Variants in IQCH observed in about 807,000 individuals in gnomAD.
IQCH encodes IQ domain-containing protein H.
IQCH carries 98 observed loss-of-function variants against 117.0 expected under a neutral mutation model. That is an observed-to-expected ratio of 0.84 (90% CI 0.71 to 0.99). The LOEUF (loss-of-function observed/expected upper bound fraction) is 0.99, where lower values mean the gene tolerates loss of function less well. Ranked by LOEUF, IQCH falls within the 50% of genes least tolerant of loss-of-function variation. IQCH has a pLI of 0.00. For missense variants in IQCH, 1,102 were observed against 1,243.8 expected (o/e 0.89, Z 1.72); for synonymous variants, 412 against 448.2 (o/e 0.92, Z 1.02).
chr15:67,354,023 C>G (rs554872530), intron 6 of IQCH, among the ~76,000 whole-genome samples: 1 of 152,024 alleles, frequency 6.6e-6, no homozygotes, highest in Non-Finnish European at 1.5e-5. Context: ...AGGCCTCAGG[C>G]CTTTTATAGG....
intron 1 of IQCH, among the ~76,000 whole-genome samples, chr15:67,260,292 C>G (rs1181059199): frequency 6.6e-6 from 1 of 152,110 alleles, no homozygotes; most frequent in Non-Finnish European, 1.5e-5. Flanking sequence ...TTTCATAGGG[C>G]CCATTTTATT....
chr15:67,293,906 G>A (rs1966836802), intron 4 of IQCH, among the ~76,000 whole-genome samples: 1 of 152,166 alleles, frequency 6.6e-6, no homozygotes, highest in South Asian at 2.1e-4. Context: ...GCCAGATCTT[G>A]TAGACCATTG....
chr15:67,465,329 G>T lies in IQCH; in HGVS notation c.2676+32G>T. Reference sequence around the variant, plus strand: ...AAGAGGTGCTTCCTGAAGGTTCTCGGTGTTCAGCAACACCCACTGCCACTG... The same window carrying T: ...AAGAGGTGCTTCCTGAAGGTTCTCGTTGTTCAGCAACACCCACTGCCACTG... On this transcript the variant is annotated intron_variant, in intron 17 of 20. Coordinates refer to ENST00000335894, the MANE Select transcript of IQCH (RefSeq NM_001031715.3). This position sits in a 1 kb window ranked among gnomAD's most constrained non-coding sequence, Gnocchi z 5.9. The T allele has an allele frequency of 6.2e-7, 1 of 1,602,962 alleles. No homozygotes were observed. The highest frequency in any genetic ancestry group is 1.1e-5 in the South Asian group (1 of 90,652).
intron 18 of IQCH, among the ~76,000 whole-genome samples, chr15:67,489,359 CTT>C (rs889669339): frequency 5.7e-5 from 8 of 140,464 alleles, no homozygotes; most frequent in African/African-American, 2.1e-4. Context: ...GAATTTTGCT[CTT>C]GTTGCCCAGG....
intron 3 of IQCH, 60 bp downstream of exon 3, chr15:67,263,276 C>A (rs576341712): frequency 1.2e-6 from 1 of 854,148 alleles, no homozygotes; most frequent in South Asian, 1.4e-5. Flanking sequence ...ACTTTTCTCA[C>A]TCAAGTGAGA....
Position 67,416,653 on chromosome 15 carries a change from G to A in IQCH, c.2098-278G>A, listed in dbSNP as rs1226228700. ...TCTGCTGGTCAGGCTGCCAGCTGCA[G>A]TGGGTCTGAAACCTCGTTTCCTGAT... On this transcript the variant is annotated intron_variant, in intron 14 of 20. Transcript: ENST00000335894. This position sits in a 1 kb window ranked among gnomAD's most constrained non-coding sequence, Gnocchi z 5.1. Among the ~76,000 whole-genome samples, 1 of 152,196 alleles carries A rather than the reference G, an allele frequency of 6.6e-6. No homozygotes were observed. The highest frequency in any genetic ancestry group is 2.4e-5 in the African/African-American group (1 of 41,446).
At chr15:67,495,462 A>G (rs1268900023) in intron 20 of IQCH, among the ~76,000 whole-genome samples, 1 of 152,188 alleles carries the variant, frequency 6.6e-6, no homozygotes, top group Non-Finnish European at 1.5e-5. Context: ...GGCCTCTCAA[A>G]GTGCTGGGAT....
In IQCH at chr15:67,280,237, G is replaced by A. The variant is rs576484211; in HGVS notation, c.387+725G>A. On this transcript the variant is annotated intron_variant, in intron 4 of 20. Transcript: ENST00000335894. Reference sequence around the variant, plus strand: ...CTTTCTTCAGAAGAAAATAAATCAAGACATAATACCTTCACATTTTTTAAC... The same window carrying A: ...CTTTCTTCAGAAGAAAATAAATCAAAACATAATACCTTCACATTTTTTAAC... 2.6e-5 allele frequency among the ~76,000 whole-genome samples: 4 copies of A among 152,234 alleles called. No individual in the cohort carries two copies. In the South Asian group the frequency reaches 8.3e-4, roughly 32 times the overall value.
Position 67,500,946 on chromosome 15 carries a change from T to C in IQCH, c.*200T>C, listed in dbSNP as rs1596514603. On this transcript the variant is annotated 3_prime_UTR_variant, in exon 21 of 21. Coordinates refer to ENST00000335894, the MANE Select transcript of IQCH (RefSeq NM_001031715.3). This position sits in a 1 kb window ranked among gnomAD's most constrained non-coding sequence, Gnocchi z 4.4. Reference sequence around the variant, plus strand: ...ATTTTATTTATTAAACCAAAACTTATTTGTGTTTTCATTTGAGAGTGTTGA... The same window carrying C: ...ATTTTATTTATTAAACCAAAACTTACTTGTGTTTTCATTTGAGAGTGTTGA... The C allele has an allele frequency of 2.7e-6, 1 of 365,970 alleles. No homozygotes were observed. 22.7% of individuals were successfully genotyped at this position (365,970 alleles called of 1,614,324 possible). A position where few individuals can be genotyped will look rare whatever the true frequency, so the allele number is the denominator to read the frequency against.
At position 67,426,389 on chromosome 15, in the gene IQCH, A is replaced by G. The variant is rs2081890448; in HGVS notation, c.2505+4812A>G. ...TCTCCAATTTCAATCCAGCACCTCA[A>G]GGTTCTTTCTAGAATTCCCCTTTTC... On this transcript the variant is annotated intron_variant, in intron 16 of 20. Transcript: ENST00000335894. This position sits in a 1 kb window ranked among gnomAD's most constrained non-coding sequence, Gnocchi z 5.1. 6.6e-6 allele frequency among the ~76,000 whole-genome samples: 1 copy of G among 152,196 alleles called. No individual in the cohort carries two copies. Among genetic ancestry groups the G allele is most frequent in the South Asian group, 2.1e-4 (1 of 4,828 alleles).
chr15:67,399,949 A>G (rs961216886), intron 13 of IQCH, among the ~76,000 whole-genome samples, 165 bp from the exon 14 acceptor site: 1 of 152,240 alleles, frequency 6.6e-6, no homozygotes. Flanking sequence ...TCATATTTAT[A>G]TCACTTTAAA....
chr15:67,288,996 A>G (rs1966664151), intron 4 of IQCH, among the ~76,000 whole-genome samples: 1 of 152,108 alleles, frequency 6.6e-6, no homozygotes, highest in African/African-American at 2.4e-5. Flanking sequence ...CAGTGGAGGA[A>G]ATATGCAAAT....
intron 8 of IQCH, among the ~76,000 whole-genome samples, chr15:67,368,791 C>A (rs1277861888): frequency 6.6e-6 from 1 of 152,180 alleles, no homozygotes; most frequent in Non-Finnish European, 1.5e-5. Context: ...GCCACACCCA[C>A]ATACTGTCCA....
rs1161805155 is a variant in IQCH at position 67,408,925 on chromosome 15, A to G, written c.2098-8006A>G. The stretch of plus-strand genomic sequence containing the variant: ...TAGAACAGTCATATGTATTTACTTG[A>G]TATCACTCTTATATTTTAATATAAT... On this transcript the variant is annotated intron_variant, in intron 14 of 20. Transcript: ENST00000335894. This position sits in a 1 kb window ranked among gnomAD's most constrained non-coding sequence, Gnocchi z 4.2. Among the ~76,000 whole-genome samples, 1 of 152,170 alleles carries G rather than the reference A, an allele frequency of 6.6e-6. No homozygotes were observed. The highest frequency in any genetic ancestry group is 1.9e-4 in the East Asian group (1 of 5,198).
chr15:67,465,139 G>GGCCTT lies in IQCH; in HGVS notation c.2519_2523dup (p.Asn842AlafsTer12). The stretch of plus-strand genomic sequence containing the variant: ...CTGTTTTAATCAGGTGTGGGCAACC[G>GGCCTT]GCCTTAACCTCGCATATAGTGACCA... On this transcript the variant is annotated frameshift_variant, in exon 17 of 21. Transcript: ENST00000335894. LOFTEE classifies it high-confidence loss of function. This position sits in a 1 kb window ranked among gnomAD's most constrained non-coding sequence, Gnocchi z 5.9. 6.2e-7 allele frequency: 1 copy of GGCCTT among 1,613,910 alleles called. No homozygotes were observed. The highest frequency in any genetic ancestry group is 8.5e-7 in the Non-Finnish European group (1 of 1,179,976).
Position 67,481,818 on chromosome 15 carries a change from A to G in IQCH, c.2799+6000A>G, listed in dbSNP as rs1196619527. Reference sequence around the variant, plus strand: ...ATTAGAAACCAACTAAGTTCTTGAAAGAACTCAACATCAAGAGAAATCTCA... The same window carrying G: ...ATTAGAAACCAACTAAGTTCTTGAAGGAACTCAACATCAAGAGAAATCTCA... On this transcript the variant is annotated intron_variant, in intron 18 of 20. Transcript: ENST00000335894. This position sits in a 1 kb window ranked among gnomAD's most constrained non-coding sequence, Gnocchi z 4.1. Among the ~76,000 whole-genome samples, 1 of 152,266 alleles carries G rather than the reference A, an allele frequency of 6.6e-6. No homozygotes were observed. The highest frequency in any genetic ancestry group is 2.4e-5 in the African/African-American group (1 of 41,474).
chr15:67,385,372 TATA>T lies in IQCH; in HGVS notation c.1456+354_1456+356del, dbSNP rs896374162. On this transcript the variant is annotated intron_variant, in intron 11 of 20. Transcript: ENST00000335894. This position sits in a 1 kb window ranked among gnomAD's most constrained non-coding sequence, Gnocchi z 4.6. ...TTACATTTGTGTCAGTCTTGTCTCT[TATA>T]GTATCTGGGGAATGTGTGAAAGGTG... Among the ~76,000 whole-genome samples the T allele has an allele frequency of 1.3e-5, 2 of 152,164 alleles. No homozygotes were observed. The highest frequency in any genetic ancestry group is 2.4e-5 in the African/African-American group (1 of 41,450).
intron 4 of IQCH, among the ~76,000 whole-genome samples, chr15:67,293,927 G>C (rs547290871): frequency 6.6e-6 from 1 of 152,182 alleles, no homozygotes; most frequent in Non-Finnish European, 1.5e-5. Context: ...TGAGACTTTG[G>C]ATATTACCGA....
At chr15:67,492,153 G>A (rs1409110662) in intron 19 of IQCH, among the ~76,000 whole-genome samples, 2 of 152,142 alleles carry the variant, frequency 1.3e-5, no homozygotes, top group Non-Finnish European at 2.9e-5. Context: ...TGGCATGCAT[G>A]GGAATAAGAA....
Sources: gnomAD v4.1 joint callset for allele counts (sites outside exome capture counted in the v4.1 genomes callset) on GRCh38, gnomAD v4.1.1 for gene constraint, Gnocchi (gnomAD v3.1) non-coding constraint, MANE v1.5 for transcripts, NCBI Gene and HGNC (gene_info 2026-07-23, HGNC 2026-07-21) for gene names.